The following KDM4C variants were observed in gnomAD, a reference collection of about 807,000 sequenced individuals.
KDM4C encodes lysine demethylase 4C.
Under a neutral mutation model 129.3 loss-of-function variants are expected in KDM4C, and 81 were observed. The observed-to-expected ratio is 0.63, with a 90% CI of 0.52 to 0.75. KDM4C has a LOEUF of 0.75. Among genes scored for constraint, KDM4C ranks in the 30% least tolerant of loss-of-function variants. KDM4C has a pLI of 0.00. For missense variants in KDM4C, 1,457 were observed against 1,304.0 expected (o/e 1.12, Z -1.81); for synonymous variants, 573 against 456.1 (o/e 1.26, Z -3.26).
At chr9:7,040,524 A>G (rs902869631) in intron 15 of KDM4C, among the ~76,000 whole-genome samples, 1 of 151,636 alleles carries the variant, frequency 6.6e-6, no homozygotes, top group African/African-American at 2.4e-5. Flanking sequence ...GTGTGATTTC[A>G]TTTTCCTCAT....
At chr9:6,856,774 G>A (rs1355313463) in intron 5 of KDM4C, among the ~76,000 whole-genome samples, 7 of 131,392 alleles carry the variant, frequency 5.3e-5, no homozygotes, top group Admixed American at 4.2e-4. Flanking sequence ...TTTTTGAGAC[G>A]GAGTCTCGCT....
At chr9:7,052,437 A>G (rs1369730168) in intron 17 of KDM4C, among the ~76,000 whole-genome samples, 2 of 152,246 alleles carry the variant, frequency 1.3e-5, no homozygotes, top group Non-Finnish European at 1.5e-5. Context: ...CGTCAGGCTT[A>G]TAATGACTGT....
At chr9:6,929,436 C>A (rs1037228010) in intron 8 of KDM4C, among the ~76,000 whole-genome samples, 1 of 148,404 alleles carries the variant, frequency 6.7e-6, no homozygotes, top group African/African-American at 2.5e-5. Flanking sequence ...TTACTTTTCA[C>A]AAAGCAGTGT....
chr9:6,855,875 C>G (rs996338445), intron 5 of KDM4C, among the ~76,000 whole-genome samples: 2 of 152,164 alleles, frequency 1.3e-5, no homozygotes, highest in Non-Finnish European at 2.9e-5. Context: ...ACTATTCATT[C>G]ATTCATTCGT....
intron 18 of KDM4C, among the ~76,000 whole-genome samples, chr9:7,123,049 C>G (rs955566742): frequency 1.3e-5 from 2 of 152,274 alleles, no homozygotes; most frequent in Middle Eastern, 3.4e-3. Flanking sequence ...AATCAGAAAT[C>G]CTATCAAAAT....
chr9:6,883,437 A>G (rs547898605), intron 6 of KDM4C, among the ~76,000 whole-genome samples: 3 of 152,318 alleles, frequency 2.0e-5, no homozygotes, highest in Admixed American at 6.5e-5. Context: ...ATTTTCGTCT[A>G]TCAGCTGGAT....
Position 7,045,808 on chromosome 9 carries a change from T to C in KDM4C, c.2260-1054T>C, listed in dbSNP as rs901042000. ...GCCTAACAAAAGTTATACAGATACA[T>C]GATTCTTTCCAGTTGTTTTGGTATC... On this transcript the variant is annotated intron_variant, in intron 15 of 21. Transcript: ENST00000381309. Among the ~76,000 whole-genome samples, 4 of 152,084 alleles carry C rather than the reference T, an allele frequency of 2.6e-5. No individual in the cohort carries two copies. The East Asian group carries it at 7.7e-4, about 29-fold the overall frequency.
intron 5 of KDM4C, among the ~76,000 whole-genome samples, chr9:6,860,559 A>G (rs1030680199): frequency 3.3e-5 from 5 of 152,180 alleles, no homozygotes; most frequent in Admixed American, 6.5e-5. Context: ...ACCAACCCCC[A>G]TGACATGAGT....
At chr9:6,848,540 A>G (rs763831310) in intron 4 of KDM4C, among the ~76,000 whole-genome samples, 3 of 152,078 alleles carry the variant, frequency 2.0e-5, no homozygotes, top group African/African-American at 4.8e-5. Flanking sequence ...GCGGTGGCCT[A>G]CGCCTGTAGG....
intron 5 of KDM4C, among the ~76,000 whole-genome samples, chr9:6,855,791 T>C (rs758347191): frequency 1.3e-5 from 2 of 152,254 alleles, no homozygotes; most frequent in Admixed American, 1.3e-4. Flanking sequence ...GCAAGTTATA[T>C]GGTGCCAAAT....
In KDM4C at chr9:6,864,934, A is replaced by T. The variant is rs145521883; in HGVS notation, c.630-15078A>T. Among the ~76,000 whole-genome samples the T allele has an allele frequency of 2.0e-3, 310 of 151,474 alleles. 3 individuals are homozygous for T. Among genetic ancestry groups the T allele is most frequent in the African/African-American group, 6.0e-3 (250 of 41,380 alleles). On this transcript the variant is annotated intron_variant, in intron 5 of 21. Coordinates refer to ENST00000381309, the MANE Select transcript of KDM4C (RefSeq NM_015061.6). ...CCTCTGATTAATTTTTTAGTTCAGC[A>T]AATGTATTTCTTAGTCCCAAGATTT...
chr9:6,951,499 G>A (rs1347723094), intron 8 of KDM4C, among the ~76,000 whole-genome samples: 3 of 152,036 alleles, frequency 2.0e-5, no homozygotes, highest in Non-Finnish European at 4.4e-5. Flanking sequence ...GTTGGGAGTC[G>A]GCTTTCTATG....
At chr9:6,871,294 C>T (rs945610742) in intron 5 of KDM4C, among the ~76,000 whole-genome samples, 113 of 152,144 alleles carry the variant, frequency 7.4e-4, no homozygotes, top group African/African-American at 2.6e-3. Context: ...TAATCTCATT[C>T]AGTTCAAGGT....
At chr9:6,844,331 A>G (rs1384188910) in intron 4 of KDM4C, among the ~76,000 whole-genome samples, 19 of 152,194 alleles carry the variant, frequency 1.2e-4, no homozygotes. Flanking sequence ...TTTTGACAAT[A>G]AATGTGACCA....
At chr9:7,070,632 A>G (rs542708862) in intron 17 of KDM4C, among the ~76,000 whole-genome samples, 1 of 152,324 alleles carries the variant, frequency 6.6e-6, no homozygotes, top group East Asian at 1.9e-4. Context: ...ATACTGGAGA[A>G]AAAAACATTT....
chr9:6,866,980 T>C (rs1360628272), intron 5 of KDM4C, among the ~76,000 whole-genome samples: 7 of 42,326 alleles, frequency 1.7e-4, no homozygotes, highest in South Asian at 3.5e-3. Context: ...TTTGTGTGTG[T>C]GTGTGTGTGT....
At chr9:6,747,065 C>T (rs796492248) in intron 1 of KDM4C, among the ~76,000 whole-genome samples, 24 of 146,288 alleles carry the variant, frequency 1.6e-4, no homozygotes, top group African/African-American at 6.1e-4. Context: ...TGGTGGTGCA[C>T]ACTTCTGGTT....
At chr9:6,806,498 AAAATAAAT>A (rs3072002) in intron 3 of KDM4C, among the ~76,000 whole-genome samples, 2,635 of 146,790 alleles carry the variant, frequency 0.018, 91 homozygotes, top group African/African-American at 0.06. Flanking sequence ...CCGTCTCGAA[AAAATAAAT>A]AAATAAATAA....
intron 5 of KDM4C, among the ~76,000 whole-genome samples, chr9:6,856,747 A>ATTTT (rs781673639): frequency 3.8e-5 from 4 of 104,276 alleles, no homozygotes; most frequent in African/African-American, 1.1e-4. Context: ...TAATTTTTGT[A>ATTTT]TTTTTTTTTT....
Sources: allele counts gnomAD v4.1 joint callset (sites outside exome capture counted in the v4.1 genomes callset), GRCh38; gene constraint gnomAD v4.1.1; transcripts MANE v1.5; gene names NCBI Gene and HGNC (gene_info 2026-07-23, HGNC 2026-07-21).